The following RALGAPA2 variants were observed in gnomAD, a reference collection of about 807,000 sequenced individuals.
RALGAPA2 encodes Ral GTPase activating protein catalytic subunit alpha 2.
In RALGAPA2, 139 loss-of-function variants were observed where a neutral mutation model predicts 230.4. The observed-to-expected ratio is 0.60, with a 90% CI of 0.53 to 0.69. RALGAPA2 has a LOEUF of 0.69. Among genes scored for constraint, RALGAPA2 ranks in the 30% least tolerant of loss-of-function variants. RALGAPA2 has a pLI of 0.00. For synonymous variants in RALGAPA2, 847 were observed against 837.8 expected (o/e 1.01, Z -0.19); for missense variants, 2,163 against 2,276.0 (o/e 0.95, Z 1.01).
At chr20:20,631,594 C>T (rs1222278732) in intron 9 of RALGAPA2, among the ~76,000 whole-genome samples, 1 of 152,168 alleles carries the variant, frequency 6.6e-6, no homozygotes, top group African/African-American at 2.4e-5. Flanking sequence ...CTGGACATGG[C>T]AAGAACACAG....
At chr20:20,676,328 T>C in intron 2 of RALGAPA2, 40 bp from the exon 3 acceptor site, 1 of 1,375,556 alleles carries the variant, frequency 7.3e-7, no homozygotes, top group Middle Eastern at 1.9e-4. Context: ...TGACATCATT[T>C]AAACTTCAGG....
intron 30 of RALGAPA2, among the ~76,000 whole-genome samples, chr20:20,522,906 G>A (rs966852975): frequency 1.3e-5 from 2 of 152,134 alleles, no homozygotes; most frequent in African/African-American, 2.4e-5. Flanking sequence ...GCTCTGTACA[G>A]GTTTATAAAC....
chr20:20,699,569 T>A (rs537611319), intron 1 of RALGAPA2, among the ~76,000 whole-genome samples: 1 of 152,282 alleles, frequency 6.6e-6, no homozygotes, highest in African/African-American at 2.4e-5. Flanking sequence ...TCCCCTCTCT[T>A]CCATGCAGTT....
At position 20,477,579 on chromosome 20, in the gene RALGAPA2, T is replaced by C. The variant is rs138131032; in HGVS notation, c.5368-4623A>G. Among the ~76,000 whole-genome samples the C allele has an allele frequency of 6.2e-3, 942 of 152,292 alleles. 12 individuals are homozygous for C. The highest frequency in any genetic ancestry group is 0.021 in the African/African-American group (881 of 41,550). Reference sequence around the variant, plus strand: ...TTTTAATGGAACACAGCCACACTTATCCACTTACACATTTTCTTTTTTTGG... The same window carrying C: ...TTTTAATGGAACACAGCCACACTTACCCACTTACACATTTTCTTTTTTTGG... On this transcript the variant is annotated intron_variant, in intron 36 of 39. Coordinates refer to ENST00000202677, the MANE Select transcript of RALGAPA2 (RefSeq NM_020343.4).
At chr20:20,638,291 T>C (rs1384086639) in intron 7 of RALGAPA2, among the ~76,000 whole-genome samples, 1 of 152,166 alleles carries the variant, frequency 6.6e-6, no homozygotes, top group African/African-American at 2.4e-5. Flanking sequence ...CAGAGCACTC[T>C]AAAGCAGGGC....
chr20:20,674,214 A>G (rs1228520435), intron 3 of RALGAPA2, among the ~76,000 whole-genome samples: 18 of 147,580 alleles, frequency 1.2e-4, no homozygotes, highest in African/African-American at 7.4e-5. Flanking sequence ...AATAATAATA[A>G]TAGTAATAGT....
chr20:20,484,933 G>A (rs938614274), intron 36 of RALGAPA2, among the ~76,000 whole-genome samples: 4 of 152,272 alleles, frequency 2.6e-5, no homozygotes, highest in Admixed American at 2.0e-4. Context: ...GGGGCTAACC[G>A]ATTTGCTGTA....
At position 20,640,752 on chromosome 20, in the gene RALGAPA2, C is replaced by T; in HGVS notation, c.499G>A (p.Gly167Ser). The T allele has an allele frequency of 6.2e-7, 1 of 1,613,930 alleles. No individual in the cohort carries two copies. Among genetic ancestry groups the T allele is most frequent in the Non-Finnish European group, 8.5e-7 (1 of 1,179,862 alleles). The change falls in exon 6 of 40, where the codon GGC becomes AGC. Residue 167 changes from glycine to serine, a missense_variant. Physicochemically the swap from Gly to Ser is moderately conservative, Grantham distance 56. Coordinates refer to ENST00000202677, the MANE Select transcript of RALGAPA2 (RefSeq NM_020343.4). ...PGFPAVMSSR[G>S]PCTLETLINP... ...ATGAGTGTCTCCAGTGTGCAAGGGC[C>T]CCTGGATGACATGACTGCTGGGAAA... is the stretch of plus-strand genomic sequence containing the variant.
intron 37 of RALGAPA2, among the ~76,000 whole-genome samples, chr20:20,458,820 A>G (rs1206483040): frequency 1.5e-5 from 2 of 132,186 alleles, no homozygotes; most frequent in African/African-American, 5.6e-5. Context: ...ATATATATAG[A>G]CCTATATATA....
At chr20:20,699,513 G>A (rs533482627) in intron 1 of RALGAPA2, among the ~76,000 whole-genome samples, 5 of 152,080 alleles carry the variant, frequency 3.3e-5, no homozygotes, top group Admixed American at 6.6e-5. Flanking sequence ...AATAAAACAC[G>A]GTAATCCCTA....
chr20:20,531,684 T>C lies in RALGAPA2; in HGVS notation c.3582+3A>G. On this transcript the variant is annotated splice_donor_region_variant and intron_variant, in intron 27 of 39. Coordinates refer to ENST00000202677, the MANE Select transcript of RALGAPA2 (RefSeq NM_020343.4). ...TCCAATCAGCACCACAAACTGGTAA[T>C]ACCTTCAGAGTTACTCCTATCACAT... The C allele has an allele frequency of 6.3e-7, 1 of 1,591,830 alleles. No individual in the cohort carries two copies. The highest frequency in any genetic ancestry group is 8.6e-7 in the Non-Finnish European group (1 of 1,165,462).
At chr20:20,468,151 T>C (rs567013224) in intron 37 of RALGAPA2, among the ~76,000 whole-genome samples, 2 of 152,320 alleles carry the variant, frequency 1.3e-5, no homozygotes, top group South Asian at 4.1e-4. Context: ...AAAATAGTAG[T>C]GCCTCTTGTT....
intron 20 of RALGAPA2, among the ~76,000 whole-genome samples, chr20:20,580,120 T>C (rs2064942849): frequency 6.6e-6 from 1 of 152,186 alleles, no homozygotes; most frequent in South Asian, 2.1e-4. Context: ...ATTTGTTAAA[T>C]AAGGGATGAG....
At chr20:20,505,361 A>T in intron 34 of RALGAPA2, 50 bp downstream of exon 34, 1 of 1,503,568 alleles carries the variant, frequency 6.7e-7, no homozygotes, top group Non-Finnish European at 8.9e-7. Context: ...GTTTGGACAC[A>T]TCTTTAAACA....
Position 20,391,760 on chromosome 20 carries a change from G to A in RALGAPA2, c.*1529C>T, listed in dbSNP as rs2059606577. 2.0e-5 allele frequency: 3 copies of A among 152,632 alleles called. No individual in the cohort carries two copies. Among genetic ancestry groups the A allele is most frequent in the African/African-American group, 7.2e-5 (3 of 41,458 alleles). The allele number at this position is 152,632 out of a possible 1,614,324, so 9.5% of individuals were successfully genotyped here. A position where few individuals can be genotyped will look rare whatever the true frequency, so the allele number is the denominator to read the frequency against. On this transcript the variant is annotated 3_prime_UTR_variant, in exon 40 of 40. Transcript: ENST00000202677. ...GCCAAGCAGCCTGAAGGTAACAAGT[G>A]TGTGCAAGGGCAGAGGGCAGAGGGC... is the stretch of plus-strand genomic sequence containing the variant.
At chr20:20,667,621 G>A (rs1462742924) in intron 3 of RALGAPA2, among the ~76,000 whole-genome samples, 1 of 152,164 alleles carries the variant, frequency 6.6e-6, no homozygotes, top group Admixed American at 6.5e-5. Flanking sequence ...CTTGCTGTGT[G>A]GTTCACCTGC....
intron 23 of RALGAPA2, among the ~76,000 whole-genome samples, chr20:20,556,673 T>C (rs1568574757): frequency 6.6e-6 from 1 of 152,210 alleles, no homozygotes; most frequent in Non-Finnish European, 1.5e-5. Context: ...CAGTAAGTGA[T>C]AACAGTGGAA....
intron 37 of RALGAPA2, among the ~76,000 whole-genome samples, chr20:20,412,796 A>G (rs1314293163): frequency 2.6e-5 from 4 of 152,228 alleles, no homozygotes; most frequent in African/African-American, 9.6e-5. Flanking sequence ...AACACACAGC[A>G]TTCAAATGTG....
chr20:20,582,155 T>C (rs1419268383), intron 20 of RALGAPA2, among the ~76,000 whole-genome samples: 1 of 143,498 alleles, frequency 7.0e-6, no homozygotes, highest in Admixed American at 7.2e-5. Flanking sequence ...TTACCCAGTG[T>C]CACACAGTGT....
Sources: allele counts gnomAD v4.1 joint callset (sites outside exome capture counted in the v4.1 genomes callset), GRCh38; gene constraint gnomAD v4.1.1; transcripts MANE v1.5; gene names NCBI Gene and HGNC (gene_info 2026-07-23, HGNC 2026-07-21).